IL19: variants seen among roughly 807,000 people sequenced by gnomAD.
IL19 encodes the protein interleukin-19.
IL19 carries 15 observed loss-of-function variants against 19.5 expected under a neutral mutation model. The ratio of observed to expected loss-of-function variants is 0.77; its 90% CI spans 0.52 to 1.19. The LOEUF (loss-of-function observed/expected upper bound fraction) is 1.19, where lower values mean the gene tolerates loss of function less well. Ranked by LOEUF, IL19 falls within the 50% of genes most tolerant of loss-of-function variation. The pLI is 0.00. For missense variants in IL19, 199 were observed against 213.1 expected (o/e 0.93, Z 0.41); for synonymous variants, 78 against 78.3 (o/e 1.00, Z 0.02).
intron 1 of IL19, among the ~76,000 whole-genome samples, chr1:206,779,536 CA>C (rs1675082586): frequency 2.6e-5 from 4 of 152,164 alleles, no homozygotes; most frequent in South Asian, 4.1e-4. Flanking sequence ...TCCTGGACTC[CA>C]AAATAAATGC....
chr1:206,784,211 T>G (rs1410601681), intron 1 of IL19, among the ~76,000 whole-genome samples: 1 of 152,216 alleles, frequency 6.6e-6, no homozygotes, highest in Non-Finnish European at 1.5e-5. Context: ...GGCCTTGCTT[T>G]CCGCATCAAT....
At position 206,829,494 on chromosome 1, in the gene IL19, G is replaced by T. The variant is rs150824635; in HGVS notation, c.-2-7167G>T. Among the ~76,000 whole-genome samples, 840 of 152,236 alleles carry T rather than the reference G, an allele frequency of 5.5e-3. 5 individuals are homozygous for T. Among genetic ancestry groups the T allele is most frequent in the Admixed American group, 9.9e-3 (152 of 15,278 alleles). On this transcript the variant is annotated intron_variant, in intron 2 of 6. Transcript: ENST00000659997. ...TAGGTGAGGCAGCGGGGCTTTCTAG[G>T]TGAGATGAGCCTGTGAGGTGTGGGA... is the stretch of plus-strand genomic sequence containing the variant.
intron 4 of IL19, among the ~76,000 whole-genome samples, chr1:206,838,736 T>TTTCCCTTCCC (rs528779104): frequency 5.3e-3 from 616 of 117,138 alleles, no homozygotes; most frequent in Middle Eastern, 7.6e-3. Context: ...CTTCCCTTCC[T>TTTCCCTTCCC]TTCCCTTCCC....
intron 1 of IL19, among the ~76,000 whole-genome samples, chr1:206,781,432 A>G (rs1386606561): frequency 1.9e-4 from 29 of 148,956 alleles, no homozygotes; most frequent in East Asian, 7.8e-4. Flanking sequence ...AAAAAAAAAA[A>G]AAAAAAGAAA....
At chr1:206,814,143 T>C (rs1377329973) in intron 2 of IL19, among the ~76,000 whole-genome samples, 2 of 152,194 alleles carry the variant, frequency 1.3e-5, no homozygotes. Context: ...AAAACTGTTG[T>C]GGTTTCCATC....
chr1:206,824,823 C>G (rs1676389380), intron 2 of IL19, among the ~76,000 whole-genome samples: 1 of 152,206 alleles, frequency 6.6e-6, no homozygotes. Context: ...AGTGCAATGG[C>G]ACGATCTCGG....
At chr1:206,834,413 C>T in intron 2 of IL19, 1 of 985,654 alleles carries the variant, frequency 1.0e-6, no homozygotes, top group South Asian at 4.7e-5. Flanking sequence ...GAGGCTCACG[C>T]TGTCCGTCAT....
intron 2 of IL19, among the ~76,000 whole-genome samples, chr1:206,810,104 A>G (rs1675961907): frequency 6.6e-6 from 1 of 152,252 alleles, no homozygotes; most frequent in South Asian, 2.1e-4. Flanking sequence ...TTTATACACT[A>G]AAAGAAGTGC....
chr1:206,818,204 A>G (rs1240470011), intron 2 of IL19, among the ~76,000 whole-genome samples: 3 of 152,216 alleles, frequency 2.0e-5, no homozygotes, highest in Admixed American at 2.0e-4. Context: ...CTACCTAACA[A>G]TATTAGAATG....
At chr1:206,838,672 G>A (rs1237776261) in intron 4 of IL19, among the ~76,000 whole-genome samples, 1 of 151,988 alleles carries the variant, frequency 6.6e-6, no homozygotes, top group Admixed American at 6.6e-5. Context: ...TCCTCTCAAG[G>A]TTGGGAAGTA....
intron 1 of IL19, among the ~76,000 whole-genome samples, chr1:206,773,586 T>TTGTGTG (rs2234662): frequency 0.17 from 21,773 of 131,620 alleles, 2,100 homozygotes; most frequent in Middle Eastern, 0.23. Flanking sequence ...TGTCTTGGAT[T>TTGTGTG]TGTGTGTGTG....
chr1:206,818,577 A>G (rs1676219541), intron 2 of IL19, among the ~76,000 whole-genome samples: 1 of 152,196 alleles, frequency 6.6e-6, no homozygotes, highest in Non-Finnish European at 1.5e-5. Context: ...GAAAAGGATT[A>G]AAATAGAGCA....
At chr1:206,835,008 T>A (rs1572574276) in intron 2 of IL19, among the ~76,000 whole-genome samples, 1 of 152,220 alleles carries the variant, frequency 6.6e-6, no homozygotes, top group Non-Finnish European at 1.5e-5. Context: ...TTACGTAAAA[T>A]TCTTGGGACA....
chr1:206,777,041 C>T (rs1184058423), intron 1 of IL19, among the ~76,000 whole-genome samples: 1 of 151,574 alleles, frequency 6.6e-6, no homozygotes, highest in Non-Finnish European at 1.5e-5. Context: ...ACCACCCTGG[C>T]TAACACGGTG....
intron 1 of IL19, among the ~76,000 whole-genome samples, chr1:206,776,779 C>T (rs1675007967): frequency 6.6e-6 from 1 of 151,974 alleles, no homozygotes; most frequent in Non-Finnish European, 1.5e-5. Context: ...CATCTATCGC[C>T]TGAGAGCACA....
chr1:206,824,844 C>A (rs1393521699), intron 2 of IL19, among the ~76,000 whole-genome samples: 2 of 152,150 alleles, frequency 1.3e-5, no homozygotes, highest in African/African-American at 4.8e-5. Context: ...CTCACTGCAA[C>A]CTCTGCCTCC....
chr1:206,781,605 G>T (rs1675132883), intron 1 of IL19, among the ~76,000 whole-genome samples: 1 of 151,306 alleles, frequency 6.6e-6, no homozygotes, highest in African/African-American at 2.4e-5. Context: ...CATCACACAT[G>T]AAGATGCAGT....
chr1:206,799,223 G>C (rs183477189), intron 2 of IL19, among the ~76,000 whole-genome samples: 2 of 152,062 alleles, frequency 1.3e-5, no homozygotes, highest in Non-Finnish European at 2.9e-5. Context: ...GGGTGAGTGA[G>C]GGAGTGTAGG....
chr1:206,832,087 C>A (rs1676624492), intron 2 of IL19, among the ~76,000 whole-genome samples: 1 of 152,234 alleles, frequency 6.6e-6, no homozygotes, highest in African/African-American at 2.4e-5. Flanking sequence ...CACCTCCCTC[C>A]ATCCCACCCC....
Sources: allele counts gnomAD v4.1 joint callset (sites outside exome capture counted in the v4.1 genomes callset), GRCh38; gene constraint gnomAD v4.1.1; transcripts MANE v1.5; gene names NCBI Gene and HGNC (gene_info 2026-07-23, HGNC 2026-07-21).